Variants in ZFAT observed in about 807,000 individuals in gnomAD.
ZFAT encodes zinc finger protein ZFAT.
In ZFAT, 64 loss-of-function variants were observed where a neutral mutation model predicts 117.7. The observed-to-expected ratio is 0.54, with a 90% CI of 0.44 to 0.67. ZFAT has a LOEUF of 0.67. ZFAT is among the 30% of genes least tolerant of loss of function. The pLI is 0.00. For synonymous variants in ZFAT, 679 were observed against 615.0 expected (o/e 1.10, Z -1.54); for missense variants, 1,433 against 1,584.5 (o/e 0.90, Z 1.62).
At chr8:134,680,487 A>G (rs1009515298) in intron 1 of ZFAT, among the ~76,000 whole-genome samples, 8 of 151,422 alleles carry the variant, frequency 5.3e-5, no homozygotes, top group Non-Finnish European at 1.2e-4. Context: ...TACCTTTTTT[A>G]AAAAAAATGA....
intron 7 of ZFAT, among the ~76,000 whole-genome samples, chr8:134,595,904 G>A (rs1826892117): frequency 6.6e-6 from 1 of 152,180 alleles, no homozygotes; most frequent in African/African-American, 2.4e-5. Context: ...CCCATTTGAA[G>A]GGCAGGTGGG....
intron 5 of ZFAT, among the ~76,000 whole-genome samples, chr8:134,603,667 G>A (rs1586798715): frequency 6.6e-6 from 1 of 152,188 alleles, no homozygotes; most frequent in African/African-American, 2.4e-5. Flanking sequence ...CCTAAGTCAC[G>A]AGCTGAGCTC....
At chr8:134,773,989 T>G in the ZFAT span, among the ~76,000 whole-genome samples, 5,058 of 61,446 alleles carry the variant, frequency 0.082, 426 homozygotes, top group African/African-American at 0.16. Flanking sequence ...GATTAATTTT[T>G]TTTTTTTTTT....
intron 7 of ZFAT, 171 bp downstream of exon 7, chr8:134,600,265 C>G: frequency 4.3e-6 from 3 of 690,342 alleles, no homozygotes; most frequent in Non-Finnish European, 7.8e-6. Context: ...GAGACTCTTG[C>G]TGTGAAAGGA....
intron 1 of ZFAT, among the ~76,000 whole-genome samples, chr8:134,665,452 T>C (rs1289741162): frequency 6.6e-6 from 1 of 152,210 alleles, no homozygotes; most frequent in Non-Finnish European, 1.5e-5. Context: ...GTCCTCCTCC[T>C]GCTGCTGCTG....
intron 3 of ZFAT, among the ~76,000 whole-genome samples, chr8:134,634,458 C>T (rs896614410): frequency 4.0e-5 from 6 of 150,220 alleles, no homozygotes; most frequent in Admixed American, 6.7e-5. Flanking sequence ...CATTCTCAGA[C>T]ACTTCTGGAA....
intron 2 of ZFAT, among the ~76,000 whole-genome samples, chr8:134,655,141 G>A (rs756155645): frequency 3.9e-5 from 6 of 152,172 alleles, no homozygotes; most frequent in Non-Finnish European, 5.9e-5. Flanking sequence ...AGTGATGAGA[G>A]GGAGGAGAGG....
intron 10 of ZFAT, among the ~76,000 whole-genome samples, chr8:134,578,700 A>G (rs1825499214): frequency 6.6e-6 from 1 of 152,188 alleles, no homozygotes; most frequent in South Asian, 2.1e-4. Flanking sequence ...GAATGGAGGC[A>G]GGAGATGACA....
chr8:134,687,619 C>T (rs1833386463), intron 1 of ZFAT, among the ~76,000 whole-genome samples: 1 of 151,444 alleles, frequency 6.6e-6, no homozygotes, highest in South Asian at 2.1e-4. Flanking sequence ...TACAGGAACA[C>T]CCCCTGTCCC....
chr8:134,493,194 T>C (rs1482896581), intron 15 of ZFAT, among the ~76,000 whole-genome samples: 3 of 152,202 alleles, frequency 2.0e-5, no homozygotes, highest in Admixed American at 1.3e-4. Context: ...CCTGGGTCTC[T>C]GCAACACTGA....
chr8:134,494,138 C>A (rs990021489), intron 15 of ZFAT, among the ~76,000 whole-genome samples: 4 of 152,162 alleles, frequency 2.6e-5, no homozygotes, highest in African/African-American at 9.7e-5. Flanking sequence ...GCACTCTCTT[C>A]CCTACACATT....
the ZFAT span, chr8:134,723,721 T>C: frequency 6.6e-6 from 1 of 152,098 alleles, no homozygotes; most frequent in African/African-American, 2.4e-5. Context: ...ATCAGTCACC[T>C]CCCTAACCTC....
At chr8:134,716,553 C>G (rs1814213403), upstream of ZFAT, among the ~76,000 whole-genome samples, 1 of 152,138 alleles carries the variant, frequency 6.6e-6, no homozygotes, top group African/African-American at 2.4e-5. Flanking sequence ...GAAGCTAATT[C>G]CATGTGTGGG....
At chr8:134,503,500 C>A (rs1346859942) in intron 15 of ZFAT, among the ~76,000 whole-genome samples, 3 of 152,194 alleles carry the variant, frequency 2.0e-5, no homozygotes, top group African/African-American at 7.2e-5. Context: ...TATATGTCAA[C>A]TTGACTGGGC....
At chr8:134,584,851 G>A (rs956165040) in intron 9 of ZFAT, among the ~76,000 whole-genome samples, 1 of 151,676 alleles carries the variant, frequency 6.6e-6, no homozygotes, top group Non-Finnish European at 1.5e-5. Context: ...ACAATTTTTA[G>A]TAGTAAGCCA....
At position 134,600,626 on chromosome 8, in the gene ZFAT, C is replaced by T. The variant is rs770326110; in HGVS notation, c.2285G>A (p.Arg762His). 11 of 1,610,234 alleles carry T rather than the reference C, an allele frequency of 6.8e-6. No homozygotes were observed. Among genetic ancestry groups the T allele is most frequent in the African/African-American group, 1.3e-5 (1 of 74,782 alleles). Residue 762 changes from arginine to histidine, a missense_variant, in exon 7 of 16, where the codon CGC (arginine) becomes CAC (histidine). Transcript: ENST00000377838. ...WYQVHFDMHV[R>H]THTREHLYYC... ...ATACAGATGTTCCCGGGTGTGGGTG[C>T]GGACATGCATATCAAAATGCACTTG... is the stretch of plus-strand genomic sequence containing the variant.
chr8:134,485,104 A>G (rs911857469), intron 15 of ZFAT, among the ~76,000 whole-genome samples: 3 of 152,234 alleles, frequency 2.0e-5, no homozygotes, highest in Admixed American at 2.0e-4. Flanking sequence ...CTTAGTCTTC[A>G]CGGCACCCTA....
chr8:134,676,450 T>A (rs1832809099), intron 1 of ZFAT, among the ~76,000 whole-genome samples: 1 of 152,122 alleles, frequency 6.6e-6, no homozygotes, highest in Admixed American at 6.6e-5. Flanking sequence ...ATAAAACAAC[T>A]TCTTAAAGAC....
the ZFAT span, among the ~76,000 whole-genome samples, chr8:134,829,474 A>G: frequency 1.3e-5 from 2 of 152,232 alleles, no homozygotes; most frequent in Admixed American, 1.3e-4. Flanking sequence ...GTCCCCAAAT[A>G]CTTTTGGTAA....
Sources: allele counts gnomAD v4.1 joint callset (sites outside exome capture counted in the v4.1 genomes callset), GRCh38; gene constraint gnomAD v4.1.1; transcripts MANE v1.5; gene names NCBI Gene and HGNC (gene_info 2026-07-23, HGNC 2026-07-21).